The following CDC14A variants were observed in gnomAD, a reference collection of about 807,000 sequenced individuals.
CDC14A encodes the protein dual specificity protein phosphatase CDC14A.
CDC14A carries 53 observed loss-of-function variants against 74.4 expected under a neutral mutation model. That is an observed-to-expected ratio of 0.71 (90% CI 0.57 to 0.89). The LOEUF (loss-of-function observed/expected upper bound fraction) is 0.89. Among genes scored for constraint, CDC14A ranks in the 40% least tolerant of loss-of-function variants. CDC14A has a pLI of 0.00. For missense variants in CDC14A, 646 were observed against 713.7 expected (o/e 0.91, Z 1.08); for synonymous variants, 247 against 258.4 (o/e 0.96, Z 0.43).
rs901442564 is a variant in CDC14A, at chr1:100,520,048, T to C, written c.*1768T>C. On this transcript the variant is annotated 3_prime_UTR_variant, in exon 16 of 16. Coordinates refer to ENST00000336454, the MANE Select transcript of CDC14A (RefSeq NM_003672.4). ...TATGTGTGTATATGTGTCATATGTA[T>C]GTACATGTATATGTCTAAAAATTAC... 3.9e-5 allele frequency: 6 copies of C among 152,536 alleles called. No homozygotes were observed. The highest frequency in any genetic ancestry group is 1.4e-4 in the African/African-American group (6 of 41,428). The allele number at this position is 152,536 out of a possible 1,614,324, so 9.4% of individuals were successfully genotyped here. A position where few individuals can be genotyped will look rare whatever the true frequency, so the allele number is the denominator to read the frequency against.
intron 6 of CDC14A, among the ~76,000 whole-genome samples, chr1:100,442,325 T>C (rs1344577514): frequency 6.8e-6 from 1 of 146,856 alleles, no homozygotes; most frequent in Non-Finnish European, 1.5e-5. Context: ...ATAAATATAC[T>C]ATATTATGTA....
intron 4 of CDC14A, chr1:100,391,115 GA>G (rs1178986390): frequency 4.7e-4 from 181 of 382,818 alleles, no homozygotes; most frequent in East Asian, 5.8e-4. Context: ...ACATTTCTAG[GA>G]AAAAAAAATG....
At chr1:100,411,435 A>G (rs1660699746) in intron 4 of CDC14A, among the ~76,000 whole-genome samples, 1 of 152,112 alleles carries the variant, frequency 6.6e-6, no homozygotes, top group African/African-American at 2.4e-5. Context: ...TTCTTCAGAC[A>G]AGAATGAAAG....
At chr1:100,431,871 T>C (rs1663731262) in intron 5 of CDC14A, among the ~76,000 whole-genome samples, 1 of 151,808 alleles carries the variant, frequency 6.6e-6, no homozygotes, top group Non-Finnish European at 1.5e-5. Context: ...GAAAAATTAC[T>C]GGTTAAATGG....
At chr1:100,448,001 G>A (rs1665742980) in intron 7 of CDC14A, among the ~76,000 whole-genome samples, 1 of 152,160 alleles carries the variant, frequency 6.6e-6, no homozygotes, top group Non-Finnish European at 1.5e-5. Flanking sequence ...GGCTTGCCAT[G>A]GTTTGATGAT....
chr1:100,394,837 G>A (rs35405605), intron 4 of CDC14A, among the ~76,000 whole-genome samples: 3,078 of 152,236 alleles, frequency 0.02, 44 homozygotes, highest in Non-Finnish European at 0.028. Flanking sequence ...GCCTTTCTTC[G>A]TATTGTTTGT....
chr1:100,431,706 C>T (rs1333570248), intron 5 of CDC14A, among the ~76,000 whole-genome samples: 1 of 151,500 alleles, frequency 6.6e-6, no homozygotes, highest in Non-Finnish European at 1.5e-5. Context: ...AAAAATTAGT[C>T]AGGGGTAGTG....
At chr1:100,513,785 T>G (rs1649973577) in intron 15 of CDC14A, among the ~76,000 whole-genome samples, 1 of 152,158 alleles carries the variant, frequency 6.6e-6, no homozygotes, top group Admixed American at 6.5e-5. Context: ...CAAAACAGAT[T>G]AGTAGCAGAT....
intron 15 of CDC14A, among the ~76,000 whole-genome samples, chr1:100,511,524 C>T (rs1649786794): frequency 6.6e-6 from 1 of 152,188 alleles, no homozygotes; most frequent in Non-Finnish European, 1.5e-5. Context: ...ACCTACACTC[C>T]CAGCTTCCTC....
intron 4 of CDC14A, among the ~76,000 whole-genome samples, chr1:100,420,063 C>CATATATATATATATATATATATATATAT (rs1553180578): frequency 7.1e-4 from 44 of 61,570 alleles, no homozygotes; most frequent in Non-Finnish European, 1.1e-3. Context: ...CACACACACA[C>CATATATATATATATATATATATATATAT]ATATATATAT....
At chr1:100,486,102 C>G (rs1476032723) in intron 11 of CDC14A, 1 of 152,180 alleles carries the variant, frequency 6.6e-6, no homozygotes, top group Non-Finnish European at 1.5e-5. Context: ...TTTTCTTGCT[C>G]TAGTCAGCAT....
At position 100,500,586 on chromosome 1, in the gene CDC14A, C is replaced by T. The variant is rs185187396; in HGVS notation, c.1755+1324C>T. Among the ~76,000 whole-genome samples, 23 of 151,738 alleles carry T rather than the reference C, an allele frequency of 1.5e-4. No individual in the cohort carries two copies. The East Asian group carries it at 3.5e-3, about 23-fold the overall frequency. Reference sequence around the variant, plus strand: ...CAGCCTGGCCAACATGGTGAAACCCCGTCTCTACAAAAAATACAAAATTAG... The same window carrying T: ...CAGCCTGGCCAACATGGTGAAACCCTGTCTCTACAAAAAATACAAAATTAG... On this transcript the variant is annotated intron_variant, in intron 15 of 15. Transcript: ENST00000336454.
At chr1:100,483,634 G>A (rs1449796944) in intron 10 of CDC14A, among the ~76,000 whole-genome samples, 2 of 152,200 alleles carry the variant, frequency 1.3e-5, no homozygotes, top group East Asian at 3.9e-4. Flanking sequence ...ATGTCATTTT[G>A]CTTACATATT....
chr1:100,484,480 C>T, intron 11 of CDC14A, 29 bp downstream of exon 11: 1 of 1,572,242 alleles, frequency 6.4e-7, no homozygotes. Context: ...ATTCTATCTT[C>T]TTAAAACTGA....
intron 7 of CDC14A, among the ~76,000 whole-genome samples, chr1:100,453,888 T>A (rs1666394578): frequency 6.6e-6 from 1 of 152,208 alleles, no homozygotes; most frequent in South Asian, 2.1e-4. Flanking sequence ...GTGATTCACC[T>A]GCATTGGCCT....
chr1:100,445,680 C>A (rs1665717066), intron 7 of CDC14A, among the ~76,000 whole-genome samples: 1 of 152,030 alleles, frequency 6.6e-6, no homozygotes, highest in South Asian at 2.1e-4. Flanking sequence ...CTTGAAAAAC[C>A]TGAAGCAGAC....
chr1:100,429,418 G>A (rs1663366059), intron 5 of CDC14A, among the ~76,000 whole-genome samples: 1 of 151,128 alleles, frequency 6.6e-6, no homozygotes, highest in South Asian at 2.1e-4. Flanking sequence ...GTGAACATTC[G>A]ATGTCTTATC....
intron 4 of CDC14A, among the ~76,000 whole-genome samples, chr1:100,419,814 G>A (rs1377579020): frequency 6.6e-6 from 1 of 151,918 alleles, no homozygotes; most frequent in East Asian, 1.9e-4. Context: ...TCCAGTGGCA[G>A]CACCTACCTG....
chr1:100,369,989 A>T (rs574731811), intron 2 of CDC14A, among the ~76,000 whole-genome samples: 135 of 148,040 alleles, frequency 9.1e-4, no homozygotes, highest in Middle Eastern at 3.5e-3. Context: ...TAAAAAAAAA[A>T]ATTTTTTTTT....
Sources: gnomAD v4.1 joint callset for allele counts (sites outside exome capture counted in the v4.1 genomes callset) on GRCh38, gnomAD v4.1.1 for gene constraint, MANE v1.5 for transcripts, NCBI Gene and HGNC (gene_info 2026-07-23, HGNC 2026-07-21) for gene names.